The following CRY1 variants were observed in gnomAD, a reference collection of about 807,000 sequenced individuals.
CRY1 encodes the protein cryptochrome circadian regulator 1, also known as cryptochrome-1.
In CRY1, 45 loss-of-function variants were observed where a neutral mutation model predicts 76.0. The observed-to-expected ratio is 0.59, with a 90% CI of 0.47 to 0.76. CRY1 has a LOEUF of 0.76. CRY1 is among the 30% of genes least tolerant of loss of function. The pLI, the probability that CRY1 is intolerant of heterozygous loss-of-function variation, is 0.00. For synonymous variants in CRY1, 248 were observed against 244.0 expected (o/e 1.02, Z -0.15); for missense variants, 587 against 716.4 (o/e 0.82, Z 2.06).
intron 2 of CRY1, among the ~76,000 whole-genome samples, chr12:107,007,325 TC>T (rs1247632667): frequency 9.9e-5 from 15 of 152,156 alleles, no homozygotes; most frequent in Non-Finnish European, 1.5e-4. Context: ...TGTTTCCTAG[TC>T]TATAAAATGG....
chr12:107,048,580 T>TAC (rs1341296275), intron 1 of CRY1, among the ~76,000 whole-genome samples: 3 of 152,234 alleles, frequency 2.0e-5, no homozygotes, highest in Admixed American at 2.0e-4. Context: ...CTTTACCAAA[T>TAC]ACCGTATGTC....
At chr12:107,014,277 T>TTG in intron 2 of CRY1, among the ~76,000 whole-genome samples, 1 of 152,264 alleles carries the variant, frequency 6.6e-6, no homozygotes, top group Middle Eastern at 3.4e-3. Flanking sequence ...CATAGAAACT[T>TTG]ATCAGAGGGT....
chr12:107,088,103 TA>T (rs1424231402), intron 1 of CRY1, among the ~76,000 whole-genome samples: 1 of 152,078 alleles, frequency 6.6e-6, no homozygotes, highest in East Asian at 1.9e-4. Flanking sequence ...AGTGGAGTGA[TA>T]TAGTTTAGAT....
At chr12:107,022,224 A>T in intron 1 of CRY1, 32 bp from the exon 2 acceptor site, 1 of 1,271,016 alleles carries the variant, frequency 7.9e-7, no homozygotes, top group Non-Finnish European at 1.1e-6. Flanking sequence ...TTAAATTATT[A>T]AAAAATACAT....
At position 106,999,945 on chromosome 12, in the gene CRY1, T is replaced by C. The variant is rs769111076; in HGVS notation, c.822A>G (p.Lys274=). Residue 274 remains lysine, a synonymous_variant, in exon 6 of 13, where the codon AAA becomes AAG. Coordinates refer to ENST00000008527, the MANE Select transcript of CRY1 (RefSeq NM_004075.5). ...LFYFKLTDLY[K]KVKKNSSPPL... ...AAGCTCTAATTTTAGAGAATACCTT[T>C]TTGTAGAGATCTGTTAGTTTGAAGT... 1.6e-5 allele frequency: 26 copies of C among 1,599,380 alleles called. No homozygotes were observed. The highest frequency in any genetic ancestry group is 1.9e-5 in the Non-Finnish European group (22 of 1,176,494).
chr12:107,021,733 T>C (rs1310876137), intron 2 of CRY1, among the ~76,000 whole-genome samples: 1 of 151,906 alleles, frequency 6.6e-6, no homozygotes, highest in African/African-American at 2.4e-5. Context: ...CACAAAAATA[T>C]ATATATATAC....
chr12:107,025,084 T>C (rs917582641), intron 1 of CRY1, among the ~76,000 whole-genome samples: 1 of 152,218 alleles, frequency 6.6e-6, no homozygotes, highest in African/African-American at 2.4e-5. Flanking sequence ...TCTACTTTTG[T>C]TTATATGTGC....
intron 1 of CRY1, among the ~76,000 whole-genome samples, chr12:107,041,139 G>C (rs1952794325): frequency 6.6e-6 from 1 of 151,892 alleles, no homozygotes; most frequent in Admixed American, 6.6e-5. Context: ...TAGATAACAT[G>C]TAGAACCGCC....
chr12:107,090,380 A>T (rs1446199936), intron 1 of CRY1, among the ~76,000 whole-genome samples: 1 of 152,134 alleles, frequency 6.6e-6, no homozygotes, highest in Non-Finnish European at 1.5e-5. Flanking sequence ...TGCCTGACCA[A>T]AATACTTTCT....
intron 1 of CRY1, among the ~76,000 whole-genome samples, chr12:107,049,383 T>G (rs1169895812): frequency 6.6e-6 from 1 of 152,220 alleles, no homozygotes; most frequent in Non-Finnish European, 1.5e-5. Flanking sequence ...ATCTTTTTTT[T>G]GTTTGTTTTG....
intron 1 of CRY1, among the ~76,000 whole-genome samples, chr12:107,080,739 G>T (rs1953312463): frequency 6.6e-6 from 1 of 152,090 alleles, no homozygotes; most frequent in African/African-American, 2.4e-5. Context: ...GGTAGAGTGG[G>T]TGGGAGTGAA....
At chr12:107,023,850 AG>A (rs370097625) in intron 1 of CRY1, among the ~76,000 whole-genome samples, 12 of 152,316 alleles carry the variant, frequency 7.9e-5, no homozygotes, top group African/African-American at 2.9e-4. Context: ...CAAATATTTC[AG>A]GGGAGAAGAC....
chr12:107,086,936 G>A (rs759385370), intron 1 of CRY1, among the ~76,000 whole-genome samples: 6 of 151,528 alleles, frequency 4.0e-5, no homozygotes, highest in Non-Finnish European at 7.4e-5. Flanking sequence ...CTAAAGCCAA[G>A]AGAAGAAGAG....
intron 1 of CRY1, among the ~76,000 whole-genome samples, chr12:107,024,499 C>T (rs1295295686): frequency 1.3e-5 from 2 of 151,868 alleles, no homozygotes; most frequent in East Asian, 3.9e-4. Flanking sequence ...ACCTAAGCCT[C>T]TAGAGTGACT....
intron 1 of CRY1, among the ~76,000 whole-genome samples, chr12:107,034,003 G>T (rs1952705968): frequency 6.6e-6 from 1 of 151,688 alleles, no homozygotes. Flanking sequence ...AAATAAGGCT[G>T]AGACCTGCTG....
chr12:107,008,405 AAG>A (rs988636672), intron 2 of CRY1, among the ~76,000 whole-genome samples: 2 of 152,206 alleles, frequency 1.3e-5, no homozygotes, highest in African/African-American at 4.8e-5. Context: ...CTTATTGAGA[AAG>A]AGTGGCAATA....
intron 1 of CRY1, among the ~76,000 whole-genome samples, chr12:107,066,525 G>A (rs999876828): frequency 6.7e-6 from 1 of 149,664 alleles, no homozygotes; most frequent in African/African-American, 2.5e-5. Flanking sequence ...GCACGATCTC[G>A]GCTCACTGCA....
intron 1 of CRY1, among the ~76,000 whole-genome samples, chr12:107,069,538 T>TATATATATAAAGTATATATATA (rs1953152824): frequency 7.0e-6 from 1 of 142,098 alleles, no homozygotes; most frequent in Non-Finnish European, 1.5e-5. Flanking sequence ...ATATATATAT[T>TATATATATAAAGTATATATATA]ATATATATAA....
intron 1 of CRY1, among the ~76,000 whole-genome samples, chr12:107,069,225 A>C (rs1047811275): frequency 2.5e-5 from 3 of 119,798 alleles, no homozygotes; most frequent in Non-Finnish European, 5.4e-5. Context: ...TTTCCGTTTA[A>C]ATTTTTTTTT....
Sources: gnomAD v4.1 joint callset for allele counts (sites outside exome capture counted in the v4.1 genomes callset) on GRCh38, gnomAD v4.1.1 for gene constraint, MANE v1.5 for transcripts, NCBI Gene and HGNC (gene_info 2026-07-23, HGNC 2026-07-21) for gene names.